SYNE2: variants seen among roughly 807,000 people sequenced by gnomAD.
SYNE2 encodes the protein nesprin-2.
SYNE2 carries 431 observed loss-of-function variants against 856.3 expected under a neutral mutation model. The ratio of observed to expected loss-of-function variants is 0.50; its 90% CI spans 0.47 to 0.55. The LOEUF (loss-of-function observed/expected upper bound fraction) is 0.55. Ranked by LOEUF, SYNE2 falls within the 20% of genes least tolerant of loss-of-function variation. The pLI is 0.00. For synonymous variants in SYNE2, 2,923 were observed against 2,872.3 expected (o/e 1.02, Z -0.56); for missense variants, 8,129 against 8,023.2 (o/e 1.01, Z -0.50).
intron 30 of SYNE2, among the ~76,000 whole-genome samples, chr14:64,006,609 G>A (rs1402036539): frequency 1.3e-5 from 2 of 152,012 alleles, no homozygotes; most frequent in South Asian, 2.1e-4. Context: ...CAGGGAGATT[G>A]CTTGAGTCCA....
At chr14:64,129,272 A>G (rs1247991116) in intron 74 of SYNE2, among the ~76,000 whole-genome samples, 1 of 152,196 alleles carries the variant, frequency 6.6e-6, no homozygotes, top group Non-Finnish European at 1.5e-5. Flanking sequence ...GTGCCACTGC[A>G]CTCCAGCTTG....
chr14:63,852,926 C>A (rs943435333), upstream of SYNE2: 4 of 151,958 alleles, frequency 2.6e-5, no homozygotes, highest in Non-Finnish European at 5.9e-5. Context: ...GAGCGCGGGA[C>A]CCGGAGGCGG....
intron 65 of SYNE2, 63 bp from the exon 66 acceptor site, chr14:64,113,278 G>T (rs2097826858): frequency 1.2e-6 from 2 of 1,611,008 alleles, no homozygotes; most frequent in South Asian, 1.1e-5. Flanking sequence ...CAGGTTCCCA[G>T]GTCTTTGCAG....
chr14:64,128,036 A>G (rs1380820996), intron 73 of SYNE2, among the ~76,000 whole-genome samples: 1 of 152,226 alleles, frequency 6.6e-6, no homozygotes, highest in Non-Finnish European at 1.5e-5. Flanking sequence ...TCAAAAAGAA[A>G]AATTATAGGC....
chr14:63,967,866 A>G lies in SYNE2; in HGVS notation c.1128+20A>G, dbSNP rs1566933305. ...CACCAGGTGACTGTTTGTGTTGATT[A>G]GAAGAATATTTTCAGGCCAAAAGCA... On this transcript the variant is annotated intron_variant, in intron 11 of 115. Transcript: ENST00000555002. 1.2e-6 allele frequency: 2 copies of G among 1,613,186 alleles called. No individual in the cohort carries two copies. The highest frequency in any genetic ancestry group is 1.7e-6 in the Non-Finnish European group (2 of 1,179,572).
intron 79 of SYNE2, 114 bp downstream of exon 79, chr14:64,138,097 G>A: frequency 1.7e-6 from 2 of 1,179,144 alleles, no homozygotes; most frequent in Non-Finnish European, 2.4e-6. Flanking sequence ...TTTTTCTTGG[G>A]CAGTCTAAAG....
Position 64,163,570 on chromosome 14 carries a change from A to C in SYNE2, c.16468A>C (p.Asn5490His), listed in dbSNP as rs776258589. The C allele has an allele frequency of 6.2e-7, 1 of 1,614,132 alleles. No homozygotes were observed. Among genetic ancestry groups the C allele is most frequent in the Admixed American group, 1.7e-5 (1 of 60,022 alleles). ...GGAAAAGATGCTGCTTGTGAAAGCAAATGAATTTGAGGTTCATCTTTTCTT... is the reference window on the plus strand; with the variant it reads ...GGAAAAGATGCTGCTTGTGAAAGCACATGAATTTGAGGTTCATCTTTTCTT... ...YLEKMLLVKA[N>H]EFEFVLSQFK... Residue 5490 changes from asparagine to histidine, a missense_variant, in exon 89 of 116, where the codon AAT (asparagine) becomes CAT (histidine). By Grantham distance (68) the Asn-to-His change is moderately conservative (BLOSUM62 1). Around this residue, in one of 3 missense-constraint regions of SYNE2, gnomAD observed 5,410 missense variants for 5,284.8 expected, o/e 1.02. Coordinates refer to ENST00000555002, the MANE Select transcript of SYNE2 (RefSeq NM_182914.3).
At position 64,143,949 on chromosome 14, in the gene SYNE2, G is replaced by T; in HGVS notation, c.15483+1G>T. On this transcript the variant is annotated splice_donor_variant, in intron 83 of 115. Coordinates refer to ENST00000555002, the MANE Select transcript of SYNE2 (RefSeq NM_182914.3). LOFTEE classifies it high-confidence loss of function. ...TGTACATGGAATGCTGAATAGAAAG[G>T]TGTGTTCCTGCGTCACAACTGGATG... The T allele has an allele frequency of 6.2e-7, 1 of 1,614,126 alleles. No homozygotes were observed.
At chr14:64,167,110 G>T in intron 90 of SYNE2, 123 bp from the exon 91 acceptor site, 1 of 1,220,944 alleles carries the variant, frequency 8.2e-7, no homozygotes. Context: ...CTGTTTGACT[G>T]TGGGCAAGTC....
chr14:63,878,683 C>T (rs1160319961), intron 1 of SYNE2, among the ~76,000 whole-genome samples: 1 of 152,124 alleles, frequency 6.6e-6, no homozygotes, highest in East Asian at 1.9e-4. Context: ...GCTGGGATTA[C>T]AGGCATCTGC....
chr14:64,141,301 T>C (rs986828027), intron 80 of SYNE2, 40 bp from the exon 81 acceptor site: 2 of 1,557,014 alleles, frequency 1.3e-6, no homozygotes, highest in Non-Finnish European at 1.8e-6. Context: ...TTCTGCTATA[T>C]TTAAATTTTA....
chr14:64,073,570 T>C (rs1215195906), intron 52 of SYNE2, among the ~76,000 whole-genome samples: 1 of 152,204 alleles, frequency 6.6e-6, no homozygotes, highest in African/African-American at 2.4e-5. Context: ...GCTGCATCCA[T>C]AGCAAAATGG....
intron 1 of SYNE2, among the ~76,000 whole-genome samples, chr14:63,831,467 T>C (rs2139896632): frequency 6.6e-6 from 1 of 152,152 alleles, no homozygotes; most frequent in Non-Finnish European, 1.5e-5. Context: ...TGTGTATTTG[T>C]CTGATTCTTC....
chr14:63,870,088 T>A (rs1487748602), intron 1 of SYNE2, among the ~76,000 whole-genome samples: 1 of 152,146 alleles, frequency 6.6e-6, no homozygotes, highest in East Asian at 1.9e-4. Flanking sequence ...TGGTTCCCCA[T>A]TGGCCATGAG....
intron 1 of SYNE2, among the ~76,000 whole-genome samples, chr14:63,859,967 C>CCCTCCCTCCCTT (rs1555349440): frequency 3.2e-5 from 4 of 123,526 alleles, no homozygotes; most frequent in Admixed American, 8.1e-5. Context: ...CTCCCTCCCT[C>CCCTCCCTCCCTT]CCTCCCTTCC....
chr14:63,880,870 G>A (rs368702582), intron 1 of SYNE2, among the ~76,000 whole-genome samples: 4 of 149,510 alleles, frequency 2.7e-5, no homozygotes, highest in Admixed American at 1.3e-4. Context: ...TTTTTGAGAC[G>A]GAGTCTTGCT....
chr14:64,212,161 C>A (rs1199082074), intron 104 of SYNE2, 63 bp downstream of exon 104: 2 of 1,609,738 alleles, frequency 1.2e-6, no homozygotes, highest in Non-Finnish European at 1.7e-6. Flanking sequence ...GAGAGCTGGC[C>A]AAGTGCAAAT....
chr14:63,846,043 C>CTTT (rs556866404), intron 1 of SYNE2, among the ~76,000 whole-genome samples: 1 of 132,510 alleles, frequency 7.5e-6, no homozygotes, highest in Non-Finnish European at 1.6e-5. Flanking sequence ...CGTACCTGCC[C>CTTT]TTTTTTTTTT....
In SYNE2 at chr14:64,141,498, C is replaced by T. The variant is rs763772132; in HGVS notation, c.15134C>T (p.Pro5045Leu). ...QKWTMLITQL[P>L]DIQEKLHQLQ... ...TGGACAATGCTCATAACTCAACTTC[C>T]AGATATTCAAGAAAAACTTCACCAG... is the stretch of plus-strand genomic sequence containing the variant. Residue 5045 changes from proline to leucine, a missense_variant, in exon 81 of 116, where the codon CCA becomes CTA. Pro to Leu is a moderately conservative substitution (Grantham distance 98). Coordinates refer to ENST00000555002, the MANE Select transcript of SYNE2 (RefSeq NM_182914.3). 1.2e-6 allele frequency: 2 copies of T among 1,613,970 alleles called. No individual in the cohort carries two copies. The highest frequency in any genetic ancestry group is 2.2e-5 in the East Asian group (1 of 44,856).
Sources: allele counts gnomAD v4.1 joint callset (sites outside exome capture counted in the v4.1 genomes callset), GRCh38; gene constraint gnomAD v4.1.1; regional missense constraint gnomAD v4.1.1; transcripts MANE v1.5; gene names NCBI Gene and HGNC (gene_info 2026-07-23, HGNC 2026-07-21).